DIAPH3: variants seen among roughly 807,000 people sequenced by gnomAD.
The protein encoded by DIAPH3 is protein diaphanous homolog 3.
In DIAPH3, 117 loss-of-function variants were observed where a neutral mutation model predicts 144.3. The ratio of observed to expected loss-of-function variants is 0.81; its 90% CI spans 0.70 to 0.95. DIAPH3 has a LOEUF of 0.95. Ranked by LOEUF, DIAPH3 falls within the 40% of genes least tolerant of loss-of-function variation. The pLI, the probability that DIAPH3 is intolerant of heterozygous loss-of-function variation, is 0.00. For missense variants in DIAPH3, 1,421 were observed against 1,412.7 expected (o/e 1.01, Z -0.09); for synonymous variants, 519 against 488.9 (o/e 1.06, Z -0.81).
chr13:60,046,068 T>C (rs1473394385), intron 4 of DIAPH3, among the ~76,000 whole-genome samples: 1 of 152,162 alleles, frequency 6.6e-6, no homozygotes, highest in Non-Finnish European at 1.5e-5. Context: ...AAGGATTTAA[T>C]TATCTTCAAA....
In DIAPH3 at chr13:59,996,230, G is replaced by A. The variant is rs1197887976; in HGVS notation, c.1015-3647C>T. 2.6e-5 allele frequency among the ~76,000 whole-genome samples: 4 copies of A among 152,026 alleles called. No homozygotes were observed. In the South Asian group the frequency reaches 8.3e-4, roughly 31 times the overall value. On this transcript the variant is annotated intron_variant, in intron 9 of 27. Coordinates refer to ENST00000400324, the MANE Select transcript of DIAPH3 (RefSeq NM_001042517.2). ...TCCCCACAGATGCCATATGCAGCCA[G>A]TAAACAAACAATTGCTGTAAAATAT... is the stretch of plus-strand genomic sequence containing the variant.
intron 9 of DIAPH3, among the ~76,000 whole-genome samples, chr13:60,006,236 T>C (rs1027537614): frequency 4.6e-5 from 7 of 152,166 alleles, no homozygotes; most frequent in Non-Finnish European, 7.3e-5. Context: ...TAGACTGCAA[T>C]AGTCGAAACT....
At chr13:59,816,988 T>A (rs575009136) in intron 24 of DIAPH3, among the ~76,000 whole-genome samples, 51 of 152,010 alleles carry the variant, frequency 3.4e-4, no homozygotes, top group African/African-American at 1.2e-3. Context: ...CATATGACTT[T>A]TTAAATGTGT....
intron 27 of DIAPH3, among the ~76,000 whole-genome samples, chr13:59,768,566 A>T (rs761471556): frequency 3.9e-5 from 6 of 152,094 alleles, no homozygotes; most frequent in Non-Finnish European, 8.8e-5. Flanking sequence ...GTGTCCCAAG[A>T]TCGAGTGGAT....
intron 4 of DIAPH3, among the ~76,000 whole-genome samples, chr13:60,058,289 A>C (rs1421424717): frequency 6.6e-6 from 1 of 151,904 alleles, no homozygotes; most frequent in African/African-American, 2.4e-5. Flanking sequence ...AAAAAATGAA[A>C]AATTGCTCAT....
chr13:60,014,827 T>G (rs949568772), intron 7 of DIAPH3, among the ~76,000 whole-genome samples: 1 of 152,204 alleles, frequency 6.6e-6, no homozygotes, highest in Admixed American at 6.5e-5. Flanking sequence ...TAAATGTGTT[T>G]AGATGCTGGA....
At chr13:59,870,670 T>TG (rs1018536981) in intron 21 of DIAPH3, among the ~76,000 whole-genome samples, 1 of 151,188 alleles carries the variant, frequency 6.6e-6, no homozygotes, top group African/African-American at 2.4e-5. Flanking sequence ...TAGGTGTTTT[T>TG]TTTTTTTTTT....
chr13:59,702,909 C>A (rs1236875632), intron 27 of DIAPH3, among the ~76,000 whole-genome samples: 3 of 152,176 alleles, frequency 2.0e-5, no homozygotes, highest in Non-Finnish European at 4.4e-5. Context: ...TTCACTTCCT[C>A]ATCTCCTTTA....
chr13:59,781,004 T>C (rs1360306882), intron 25 of DIAPH3, among the ~76,000 whole-genome samples: 2 of 152,200 alleles, frequency 1.3e-5, no homozygotes, highest in African/African-American at 4.8e-5. Context: ...AGGTGGCATC[T>C]TGGAAACCAC....
At chr13:60,153,317 T>C (rs1374259544) in intron 1 of DIAPH3, 7 of 152,156 alleles carry the variant, frequency 4.6e-5, no homozygotes, top group Non-Finnish European at 1.5e-5. Context: ...TAAGAGTTTT[T>C]ATTTTTTCTG....
At chr13:59,951,582 T>C (rs187206166) in intron 17 of DIAPH3, among the ~76,000 whole-genome samples, 30 of 152,278 alleles carry the variant, frequency 2.0e-4, no homozygotes, top group Admixed American at 1.8e-3. Context: ...ATAAACTTCA[T>C]AATTAAATAC....
intron 4 of DIAPH3, among the ~76,000 whole-genome samples, chr13:60,047,038 T>C (rs927975738): frequency 2.0e-5 from 3 of 152,114 alleles, no homozygotes; most frequent in African/African-American, 7.2e-5. Flanking sequence ...GATGGGTTGA[T>C]AGGTGCAGCA....
intron 21 of DIAPH3, among the ~76,000 whole-genome samples, chr13:59,870,503 C>T (rs2044192732): frequency 6.6e-6 from 1 of 151,982 alleles, no homozygotes; most frequent in African/African-American, 2.4e-5. Flanking sequence ...TTGTCAATAT[C>T]CATAAAATAA....
At chr13:60,028,144 T>C (rs895421327) in intron 5 of DIAPH3, among the ~76,000 whole-genome samples, 1 of 152,198 alleles carries the variant, frequency 6.6e-6, no homozygotes, top group Non-Finnish European at 1.5e-5. Flanking sequence ...GATTTCTCCA[T>C]GTGTTCACCA....
Position 60,043,119 on chromosome 13 carries a change from T to C in DIAPH3, c.496-299A>G, listed in dbSNP as rs573635202. ...TAGAAAATATCTTAAAATACAGTAATATTTTTAGGCACACACAAAATAAAA... is the reference window on the plus strand; with the variant it reads ...TAGAAAATATCTTAAAATACAGTAACATTTTTAGGCACACACAAAATAAAA... On this transcript the variant is annotated intron_variant, in intron 4 of 27. Coordinates refer to ENST00000400324, the MANE Select transcript of DIAPH3 (RefSeq NM_001042517.2). 2.6e-4 allele frequency among the ~76,000 whole-genome samples: 39 copies of C among 152,276 alleles called. 1 individual carries two copies. Among genetic ancestry groups the C allele is most frequent in the Middle Eastern group, 3.4e-3 (1 of 294 alleles).
intron 8 of DIAPH3, among the ~76,000 whole-genome samples, chr13:60,008,872 A>T (rs2053055636): frequency 6.6e-6 from 1 of 152,216 alleles, no homozygotes; most frequent in Non-Finnish European, 1.5e-5. Context: ...GCATTTATAT[A>T]ATGCTTACTA....
In DIAPH3 at chr13:60,020,131, G is replaced by A. The variant is rs529212134; in HGVS notation, c.627-3986C>T. 5.3e-5 allele frequency among the ~76,000 whole-genome samples: 8 copies of A among 152,218 alleles called. No homozygotes were observed. In the South Asian group the frequency reaches 1.7e-3, roughly 32 times the overall value. Reference sequence around the variant, plus strand: ...TATTTATTCCAGCATGGGATAGACTGAGCACTCAATAAATCATTTTAGAAT... The same window carrying A: ...TATTTATTCCAGCATGGGATAGACTAAGCACTCAATAAATCATTTTAGAAT... On this transcript the variant is annotated intron_variant, in intron 5 of 27. Coordinates refer to ENST00000400324, the MANE Select transcript of DIAPH3 (RefSeq NM_001042517.2).
At chr13:59,927,557 C>T (rs2047815137) in intron 17 of DIAPH3, among the ~76,000 whole-genome samples, 1 of 152,120 alleles carries the variant, frequency 6.6e-6, no homozygotes, top group African/African-American at 2.4e-5. Context: ...ATATGACTCC[C>T]TTAAGCAGGG....
intron 27 of DIAPH3, among the ~76,000 whole-genome samples, chr13:59,683,214 T>G (rs2033038174): frequency 6.6e-6 from 1 of 152,174 alleles, no homozygotes; most frequent in African/African-American, 2.4e-5. Context: ...ACCTTCCCTA[T>G]GTAACAAGTA....
Sources: gnomAD v4.1 joint callset for allele counts (sites outside exome capture counted in the v4.1 genomes callset) on GRCh38, gnomAD v4.1.1 for gene constraint, MANE v1.5 for transcripts, NCBI Gene and HGNC (gene_info 2026-07-23, HGNC 2026-07-21) for gene names.